The following ADARB1 variants were observed in gnomAD, a reference collection of about 807,000 sequenced individuals.
ADARB1 encodes the protein double-stranded RNA-specific editase 1.
Under a neutral mutation model 52.4 loss-of-function variants are expected in ADARB1, and 10 were observed. The observed-to-expected ratio is 0.19, with a 90% confidence interval of 0.12 to 0.32. ADARB1 has a LOEUF of 0.32. Ranked by LOEUF, ADARB1 falls within the 10% of genes least tolerant of loss-of-function variation. The pLI, the probability that ADARB1 is intolerant of heterozygous loss-of-function variation, is 1.00. For missense variants in ADARB1, 643 were observed against 922.3 expected (o/e 0.70, Z 3.92); for synonymous variants, 349 against 371.1 (o/e 0.94, Z 0.68).
At chr21:45,110,212 T>G (rs528198317) in intron 1 of ADARB1, among the ~76,000 whole-genome samples, 3 of 152,352 alleles carry the variant, frequency 2.0e-5, no homozygotes, top group African/African-American at 7.2e-5. Flanking sequence ...GGAGAAACCA[T>G]TTTCAGTCAT....
intron 1 of ADARB1, among the ~76,000 whole-genome samples, chr21:45,110,540 A>G (rs2087487236): frequency 6.6e-6 from 1 of 152,292 alleles, no homozygotes; most frequent in South Asian, 2.1e-4. Flanking sequence ...GCTACTGACA[A>G]TGATGTATTT....
chr21:45,134,665 A>C, intron 2 of ADARB1: 1 of 451,038 alleles, frequency 2.2e-6, no homozygotes. Context: ...GTACAGTAGA[A>C]TTTGGGGCAA....
In ADARB1 at chr21:45,221,806, C is replaced by T. The variant is rs532926973; in HGVS notation, c.1927-212C>T. Among the ~76,000 whole-genome samples the T allele has an allele frequency of 2.0e-5, 3 of 152,206 alleles. No individual in the cohort carries two copies. Among genetic ancestry groups the T allele is most frequent in the Non-Finnish European group, 4.4e-5 (3 of 68,030 alleles). ...GGTCTGTAGCTGCCTGTTTGACCAG[C>T]AAGACTGGAACTTGGCAATAACTCA... On this transcript the variant is annotated intron_variant, in intron 10 of 10. Transcript: ENST00000348831. The surrounding 1 kb of genome is among the most constrained non-coding windows in gnomAD (Gnocchi z 4.9).
At chr21:45,123,295 A>T (rs75575265) in intron 1 of ADARB1, among the ~76,000 whole-genome samples, 1 of 118,188 alleles carries the variant, frequency 8.5e-6, no homozygotes, top group Admixed American at 8.4e-5. Context: ...GTGTGTGTGT[A>T]TAATTAATTA....
intron 2 of ADARB1, among the ~76,000 whole-genome samples, chr21:45,141,898 G>A (rs1391073415): frequency 6.6e-6 from 1 of 152,134 alleles, no homozygotes; most frequent in Non-Finnish European, 1.5e-5. Flanking sequence ...GCCACCTGTG[G>A]GTTACCTCAG....
At chr21:45,193,230 G>A (rs1459000773) in intron 8 of ADARB1, among the ~76,000 whole-genome samples, 2 of 152,174 alleles carry the variant, frequency 1.3e-5, no homozygotes, top group African/African-American at 4.8e-5. Context: ...TGACCAAGTA[G>A]GGGCTATCCC....
At chr21:45,165,538 T>C (rs9980279) in intron 2 of ADARB1, among the ~76,000 whole-genome samples, 3,372 of 152,314 alleles carry the variant, frequency 0.022, 96 homozygotes, top group African/African-American at 0.062. Context: ...ACTGAAAATA[T>C]TATCAATTGA....
intron 7 of ADARB1, chr21:45,184,403 T>G: frequency 5.6e-6 from 1 of 179,932 alleles, no homozygotes; most frequent in South Asian, 8.3e-5. Context: ...AGACCACTTT[T>G]GTGAATTTTG....
intron 1 of ADARB1, among the ~76,000 whole-genome samples, chr21:45,101,891 C>T (rs1018353950): frequency 2.6e-5 from 4 of 152,002 alleles, no homozygotes; most frequent in African/African-American, 9.7e-5. Flanking sequence ...ATATTTTGTG[C>T]TTATTTATTT....
intron 1 of ADARB1, among the ~76,000 whole-genome samples, chr21:45,086,940 G>A (rs2086369146): frequency 1.3e-5 from 2 of 152,208 alleles, no homozygotes; most frequent in African/African-American, 2.4e-5. Context: ...TCTCTGTGAT[G>A]TGCATTGTGC....
chr21:45,175,127 T>C (rs1225834647), intron 3 of ADARB1, among the ~76,000 whole-genome samples: 1 of 152,206 alleles, frequency 6.6e-6, no homozygotes, highest in African/African-American at 2.4e-5. Flanking sequence ...ATAAGCAGCT[T>C]TTAAAGATTG....
At chr21:45,160,341 G>C (rs2090899897) in intron 2 of ADARB1, among the ~76,000 whole-genome samples, 1 of 152,256 alleles carries the variant, frequency 6.6e-6, no homozygotes, top group South Asian at 2.1e-4. Context: ...CGTTCGCATA[G>C]TCTCTTTCTG....
chr21:45,218,732 C>T (rs1205471816), intron 9 of ADARB1, among the ~76,000 whole-genome samples: 1 of 152,128 alleles, frequency 6.6e-6, no homozygotes, highest in Non-Finnish European at 1.5e-5. Context: ...TCATTGAAAG[C>T]AAGTGAGCAT....
intron 1 of ADARB1, among the ~76,000 whole-genome samples, chr21:45,080,001 C>G (rs1238130618): frequency 6.6e-6 from 1 of 152,144 alleles, no homozygotes; most frequent in African/African-American, 2.4e-5. Flanking sequence ...AAGGAAGAAA[C>G]TAGTGAGAGT....
intron 9 of ADARB1, among the ~76,000 whole-genome samples, chr21:45,215,552 T>A (rs778870964): frequency 5.1e-4 from 78 of 152,152 alleles, no homozygotes; most frequent in Non-Finnish European, 8.7e-4. Context: ...ACTTGAGCCC[T>A]GGAGTTTGAG....
intron 1 of ADARB1, among the ~76,000 whole-genome samples, chr21:45,105,555 A>G (rs1341607141): frequency 6.6e-6 from 1 of 152,188 alleles, no homozygotes; most frequent in East Asian, 1.9e-4. Context: ...TTCTCAGATC[A>G]CAGTTAACTG....
At chr21:45,124,787 A>ATGTGTGTGTGTGTGTGTGTGTG (rs56113860) in intron 1 of ADARB1, among the ~76,000 whole-genome samples, 1 of 135,706 alleles carries the variant, frequency 7.4e-6, no homozygotes, top group Non-Finnish European at 1.6e-5. Flanking sequence ...GTGTGTGTGT[A>ATGTGTGTGTGTGTGTGTGTGTG]TGTGTGTGTG....
At position 45,224,996 on chromosome 21, in the gene ADARB1, C is replaced by G. The variant is rs539272632; in HGVS notation, c.*2799C>G. The G allele has an allele frequency of 4.1e-6, 4 of 985,400 alleles. No homozygotes were observed. In the African/African-American group the frequency reaches 7.0e-5, roughly 17 times the overall value. The allele number at this position is 985,400 out of a possible 1,614,324, so 61.0% of individuals were successfully genotyped here. On this transcript the variant is annotated 3_prime_UTR_variant, in exon 11 of 11. Transcript: ENST00000348831. Reference sequence around the variant, plus strand: ...GACTTAGCAGAAAATTCGACACAAGCAGGAACTTGATTTTTTAAGAAAAAA... The same window carrying G: ...GACTTAGCAGAAAATTCGACACAAGGAGGAACTTGATTTTTTAAGAAAAAA...
At chr21:45,211,025 G>A (rs191265733) in intron 9 of ADARB1, among the ~76,000 whole-genome samples, 91 of 152,310 alleles carry the variant, frequency 6.0e-4, no homozygotes, top group African/African-American at 2.1e-3. Flanking sequence ...ACTGTTATGT[G>A]GCCAGAGGTC....
Sources: gnomAD v4.1 joint callset for allele counts (sites outside exome capture counted in the v4.1 genomes callset) on GRCh38, gnomAD v4.1.1 for gene constraint, Gnocchi (gnomAD v3.1) non-coding constraint, MANE v1.5 for transcripts, NCBI Gene and HGNC (gene_info 2026-07-23, HGNC 2026-07-21) for gene names.